The following SAMD12 variants were observed in gnomAD, a reference collection of about 807,000 sequenced individuals.
SAMD12 encodes sterile alpha motif domain containing 12, also known as sterile alpha motif domain-containing protein 12.
SAMD12 carries 9 observed loss-of-function variants against 15.0 expected under a neutral mutation model. The ratio of observed to expected loss-of-function variants is 0.60; its 90% CI spans 0.36 to 1.05. SAMD12 has a LOEUF of 1.05. SAMD12 is among the 50% of genes least tolerant of loss of function. The probability of loss-of-function intolerance (pLI) is 0.01; values close to 1 mark genes in which losing one functional copy is unlikely to be tolerated. For synonymous variants in SAMD12, 86 were observed against 90.1 expected, an observed-to-expected ratio of 0.96 and a Z score of 0.25; for missense variants, 230 against 234.2, an observed-to-expected ratio of 0.98 and a Z score of 0.12.
intron 4 of SAMD12, among the ~76,000 whole-genome samples, chr8:118,277,058 C>A (rs955300875): frequency 1.3e-5 from 2 of 152,070 alleles, no homozygotes; most frequent in Non-Finnish European, 2.9e-5. Context: ...ACTACAGGTA[C>A]CCTCCACACC....
intron 3 of SAMD12, among the ~76,000 whole-genome samples, chr8:118,395,911 C>G (rs572166714): frequency 1.4e-5 from 2 of 145,722 alleles, no homozygotes; most frequent in East Asian, 4.0e-4. Context: ...TGAGTAAGAT[C>G]GCAAGAGCAA....
chr8:118,447,101 C>T, intron 2 of SAMD12, among the ~76,000 whole-genome samples: 1 of 152,108 alleles, frequency 6.6e-6, no homozygotes, highest in Non-Finnish European at 1.5e-5. Context: ...TTTCGTCTTT[C>T]TCTTGTACTC....
intron 4 of SAMD12, among the ~76,000 whole-genome samples, chr8:118,314,281 CTTTTTTT>C (rs913022479): frequency 1.3e-5 from 2 of 152,024 alleles, no homozygotes; most frequent in African/African-American, 4.8e-5. Context: ...CAGCTTTCTT[CTTTTTTT>C]AACTTTTTAT....
chr8:118,358,322 T>G (rs1316697778), intron 4 of SAMD12, among the ~76,000 whole-genome samples: 3 of 152,208 alleles, frequency 2.0e-5, no homozygotes, highest in Admixed American at 2.0e-4. Flanking sequence ...CTTTGTATTT[T>G]ATACTTTTCC....
intron 4 of SAMD12, among the ~76,000 whole-genome samples, chr8:118,314,959 T>G (rs1815817172): frequency 6.6e-6 from 1 of 152,240 alleles, no homozygotes; most frequent in South Asian, 2.1e-4. Context: ...GAAAAGAAAC[T>G]TCTTAAAAAC....
the SAMD12 span, among the ~76,000 whole-genome samples, chr8:118,161,409 C>A: frequency 2.0e-5 from 3 of 151,864 alleles, no homozygotes; most frequent in Admixed American, 1.3e-4. Context: ...CATGGTGAGA[C>A]CCTGTCTCTA....
At chr8:118,581,676 C>A (rs980673934) in intron 1 of SAMD12, among the ~76,000 whole-genome samples, 5 of 152,114 alleles carry the variant, frequency 3.3e-5, no homozygotes, top group East Asian at 1.9e-4. Context: ...ACTGAGCCCC[C>A]CTATGTACCC....
At position 118,557,047 on chromosome 8, in the gene SAMD12, A is replaced by G. The variant is rs144269824; in HGVS notation, c.192+23668T>C. ...ACATAAGGGCCATAACAGAGGAACA[A>G]GCAAAGAGTGAGGGAATGATATGGC... is the stretch of plus-strand genomic sequence containing the variant. On this transcript the variant is annotated intron_variant, in intron 2 of 3. Coordinates refer to ENST00000314727, the MANE Select transcript of SAMD12 (RefSeq NM_207506.3). Among the ~76,000 whole-genome samples the G allele has an allele frequency of 4.2e-3, 644 of 152,296 alleles. 6 individuals carry two copies. Among genetic ancestry groups the G allele is most frequent in the African/African-American group, 0.015 (616 of 41,562 alleles).
chr8:118,228,108 A>G (rs1315785274), intron 4 of SAMD12, among the ~76,000 whole-genome samples: 2 of 152,218 alleles, frequency 1.3e-5, no homozygotes, highest in Non-Finnish European at 2.9e-5. Context: ...CTGGATCCTC[A>G]TCTCTCACCT....
intron 4 of SAMD12, among the ~76,000 whole-genome samples, chr8:118,285,793 T>C (rs546308866): frequency 6.6e-6 from 1 of 152,290 alleles, no homozygotes; most frequent in South Asian, 2.1e-4. Flanking sequence ...CAGTATCTGG[T>C]GCATGATGGG....
At chr8:118,543,022 A>G (rs534061386) in intron 2 of SAMD12, among the ~76,000 whole-genome samples, 118 of 152,172 alleles carry the variant, frequency 7.8e-4, no homozygotes, top group Non-Finnish European at 1.5e-3. Flanking sequence ...AAAAAGGATG[A>G]AAGGATGAAA....
intron 2 of SAMD12, among the ~76,000 whole-genome samples, chr8:118,527,554 T>C (rs779946184): frequency 1.1e-4 from 16 of 152,230 alleles, no homozygotes; most frequent in Non-Finnish European, 1.5e-4. Flanking sequence ...AACTATACTT[T>C]CTTTCTTTAC....
chr8:118,385,620 T>C (rs1819913582), intron 3 of SAMD12, among the ~76,000 whole-genome samples: 1 of 152,164 alleles, frequency 6.6e-6, no homozygotes, highest in African/African-American at 2.4e-5. Flanking sequence ...TTGGTTTTGT[T>C]TCTCTGGAGA....
chr8:118,482,943 G>T (rs979824516), intron 2 of SAMD12, among the ~76,000 whole-genome samples: 1 of 152,198 alleles, frequency 6.6e-6, no homozygotes, highest in African/African-American at 2.4e-5. Flanking sequence ...AAGCCACGAG[G>T]AAGAGAAAGT....
chr8:118,217,771 C>T (rs904253029), intron 4 of SAMD12, among the ~76,000 whole-genome samples: 6 of 152,172 alleles, frequency 3.9e-5, no homozygotes, highest in African/African-American at 1.4e-4. Flanking sequence ...AAGGCTATGT[C>T]CAAGGCTCTC....
At chr8:118,345,113 T>G (rs1817569868) in intron 4 of SAMD12, among the ~76,000 whole-genome samples, 1 of 152,182 alleles carries the variant, frequency 6.6e-6, no homozygotes, top group Non-Finnish European at 1.5e-5. Flanking sequence ...GGGTACCATT[T>G]TTTATTTTTT....
intron 2 of SAMD12, among the ~76,000 whole-genome samples, chr8:118,559,781 G>T (rs1826653999): frequency 6.6e-6 from 1 of 152,066 alleles, no homozygotes; most frequent in Non-Finnish European, 1.5e-5. Context: ...ACAAAATTAT[G>T]CATTTTAAAA....
At chr8:118,324,595 A>G (rs1368102618) in intron 4 of SAMD12, among the ~76,000 whole-genome samples, 2 of 152,218 alleles carry the variant, frequency 1.3e-5, no homozygotes, top group Non-Finnish European at 2.9e-5. Flanking sequence ...ATGAAAAACA[A>G]GAAGATATTG....
At chr8:118,155,898 A>T in the SAMD12 span, among the ~76,000 whole-genome samples, 4 of 152,208 alleles carry the variant, frequency 2.6e-5, no homozygotes, top group African/African-American at 9.6e-5. Context: ...TCTTTACTTA[A>T]TCCACCTAGC....
Sources: gnomAD v4.1 joint callset for allele counts (sites outside exome capture counted in the v4.1 genomes callset) on GRCh38, gnomAD v4.1.1 for gene constraint, MANE v1.5 for transcripts, NCBI Gene and HGNC (gene_info 2026-07-23, HGNC 2026-07-21) for gene names.